Variants in EPN2 observed in about 807,000 individuals in gnomAD.
EPN2 encodes epsin-2.
In EPN2, 34 loss-of-function variants were observed where a neutral mutation model predicts 61.7. The ratio of observed to expected loss-of-function variants is 0.55; its 90% CI spans 0.42 to 0.73. The LOEUF is 0.73. EPN2 is among the 30% of genes least tolerant of loss of function. The pLI, the probability that EPN2 is intolerant of heterozygous loss-of-function variation, is 0.00. For synonymous variants in EPN2, 349 were observed against 353.6 expected (o/e 0.99, Z 0.15); for missense variants, 714 against 839.2 (o/e 0.85, Z 1.84).
chr17:19,289,724 G>GTTTTGTTTTTTTTTTTTTTGTTTT (rs772230550), intron 4 of EPN2, among the ~76,000 whole-genome samples: 2 of 78,028 alleles, frequency 2.6e-5, no homozygotes, highest in South Asian at 5.8e-4. Context: ...GGCGCTCATG[G>GTTTTGTTTTTTTTTTTTTTGTTTT]TTTTTTTTTT....
chr17:19,324,299 A>G (rs925281526), intron 7 of EPN2, among the ~76,000 whole-genome samples: 3 of 152,228 alleles, frequency 2.0e-5, no homozygotes, highest in African/African-American at 7.2e-5. Context: ...TGAGTCACAG[A>G]AAAAATTATA....
At position 19,328,076 on chromosome 17, in the gene EPN2, C is replaced by G. The variant is rs116758902; in HGVS notation, c.1148-635C>G. The stretch of plus-strand genomic sequence containing the variant: ...TTTCTTTTTTTAAAAATTTTTTTCT[C>G]TGTTTTTTAAAGCCAGTTGTGACCC... On this transcript the variant is annotated intron_variant, in intron 7 of 10. Transcript: ENST00000314728. Among the ~76,000 whole-genome samples the G allele has an allele frequency of 1.1e-3, 172 of 152,154 alleles. 1 individual carries two copies. The highest frequency in any genetic ancestry group is 3.9e-3 in the African/African-American group (163 of 41,490).
At chr17:19,333,823 G>A (rs1293658178) in intron 10 of EPN2, 133 bp from the exon 11 acceptor site, 1 of 621,236 alleles carries the variant, frequency 1.6e-6, no homozygotes, top group African/African-American at 1.9e-5. Flanking sequence ...TGTCTGCCAT[G>A]GACTCGGCCG....
At chr17:19,293,020 C>G (rs960231965) in intron 4 of EPN2, among the ~76,000 whole-genome samples, 2 of 152,208 alleles carry the variant, frequency 1.3e-5, no homozygotes, top group South Asian at 4.1e-4. Flanking sequence ...ACACCTATTA[C>G]AATTTTAAAA....
intron 1 of EPN2, among the ~76,000 whole-genome samples, chr17:19,277,854 C>T (rs564680667): frequency 2.2e-4 from 34 of 152,194 alleles, no homozygotes; most frequent in African/African-American, 7.5e-4. Context: ...GGGCGGATCA[C>T]GAGGTCAGGA....
At chr17:19,293,575 T>C (rs1023084191) in intron 4 of EPN2, among the ~76,000 whole-genome samples, 49 of 141,520 alleles carry the variant, frequency 3.5e-4, no homozygotes, top group Admixed American at 3.1e-3. Flanking sequence ...CTGTATTTTG[T>C]AGAGGTGGGG....
intron 4 of EPN2, among the ~76,000 whole-genome samples, chr17:19,295,375 C>CGCGT (rs1238820986): frequency 6.6e-6 from 1 of 151,074 alleles, no homozygotes; most frequent in Admixed American, 6.6e-5. Flanking sequence ...CACGCGCGTG[C>CGCGT]GCGCAAAATA....
intron 4 of EPN2, among the ~76,000 whole-genome samples, chr17:19,294,846 G>C (rs574819172): frequency 2.0e-5 from 3 of 152,284 alleles, no homozygotes; most frequent in South Asian, 2.1e-4. Context: ...TTCCCTGTCA[G>C]ATGTTTTAAG....
intron 1 of EPN2, among the ~76,000 whole-genome samples, chr17:19,254,138 A>AAGAG (rs753593950): frequency 4.0e-5 from 6 of 149,042 alleles, no homozygotes; most frequent in Non-Finnish European, 7.4e-5. Context: ...TCTAAAAAGA[A>AAGAG]AGAGAGAGAG....
At chr17:19,290,285 A>G (rs1047360858) in intron 4 of EPN2, among the ~76,000 whole-genome samples, 14 of 152,126 alleles carry the variant, frequency 9.2e-5, no homozygotes, top group Non-Finnish European at 1.8e-4. Context: ...AGCAGCCCAC[A>G]TGTTACCCGC....
intron 4 of EPN2, among the ~76,000 whole-genome samples, chr17:19,304,231 C>T (rs1905703701): frequency 6.6e-6 from 1 of 152,218 alleles, no homozygotes; most frequent in Non-Finnish European, 1.5e-5. Context: ...TGGAGGCTCT[C>T]CTGTGTTGAG....
chr17:19,322,290 A>G (rs1358140537), intron 7 of EPN2, among the ~76,000 whole-genome samples: 1 of 152,184 alleles, frequency 6.6e-6, no homozygotes, highest in Non-Finnish European at 1.5e-5. Flanking sequence ...GATGTTGGGA[A>G]CAAAGCTTGC....
intron 7 of EPN2, among the ~76,000 whole-genome samples, chr17:19,318,532 A>G (rs1253843701): frequency 1.6e-5 from 2 of 127,640 alleles, no homozygotes; most frequent in African/African-American, 3.8e-5. Flanking sequence ...CGTGGGCAAC[A>G]GAGCGAGACT....
intron 4 of EPN2, among the ~76,000 whole-genome samples, chr17:19,289,074 GTTTTTTTTTTTT>G (rs1162172422): frequency 3.1e-4 from 21 of 68,688 alleles, no homozygotes; most frequent in East Asian, 1.5e-3. Context: ...TTCTGGGTAT[GTTTTTTTTTTTT>G]TTTTTTTTTT....
intron 1 of EPN2, among the ~76,000 whole-genome samples, chr17:19,260,959 T>C (rs1409000960): frequency 1.3e-5 from 2 of 152,236 alleles, no homozygotes; most frequent in Non-Finnish European, 2.9e-5. Context: ...TGTCATTCTC[T>C]TTCAGCTGTG....
rs952167122 is a variant in EPN2 at position 19,335,665 on chromosome 17, A to G, written c.*1411A>G. On this transcript the variant is annotated 3_prime_UTR_variant, in exon 11 of 11. Coordinates refer to ENST00000314728, the MANE Select transcript of EPN2 (RefSeq NM_014964.5). ...GCTGGCCCTGATCCACCTACCTGCT[A>G]ACTCCAGATATTATTTTTAAGTTGG... The G allele has an allele frequency of 2.4e-6, 1 of 412,356 alleles. No homozygotes were observed. Among genetic ancestry groups the G allele is most frequent in the Non-Finnish European group, 4.3e-6 (1 of 233,788 alleles). 25.5% of individuals were successfully genotyped at this position (412,356 alleles called of 1,614,324 possible).
intron 7 of EPN2, among the ~76,000 whole-genome samples, chr17:19,324,624 C>T (rs559576565): frequency 5.4e-4 from 82 of 152,096 alleles, no homozygotes; most frequent in Non-Finnish European, 1.0e-3. Context: ...TGAGCCACTG[C>T]GCCTGGCCAA....
At chr17:19,312,365 G>A (rs577885446) in intron 6 of EPN2, among the ~76,000 whole-genome samples, 2 of 152,230 alleles carry the variant, frequency 1.3e-5, no homozygotes, top group Non-Finnish European at 2.9e-5. Context: ...CAGTCTGCTC[G>A]TTTGTAAAAT....
chr17:19,304,496 G>A (rs891450542), intron 4 of EPN2, among the ~76,000 whole-genome samples: 2 of 152,222 alleles, frequency 1.3e-5, no homozygotes, highest in Admixed American at 1.3e-4. Context: ...TCGGAGGCCT[G>A]GGAAGGGCCA....
Sources: allele counts gnomAD v4.1 joint callset (sites outside exome capture counted in the v4.1 genomes callset), GRCh38; gene constraint gnomAD v4.1.1; transcripts MANE v1.5; gene names NCBI Gene and HGNC (gene_info 2026-07-23, HGNC 2026-07-21).